The following AOAH variants were observed in gnomAD, a reference collection of about 807,000 sequenced individuals.
AOAH encodes acyloxyacyl hydrolase.
Under a neutral mutation model 92.2 loss-of-function variants are expected in AOAH, and 64 were observed. The observed-to-expected ratio is 0.69, with a 90% CI of 0.57 to 0.86. AOAH has a LOEUF of 0.86. AOAH is among the 40% of genes least tolerant of loss of function. The pLI is 0.00. For synonymous variants in AOAH, 263 were observed against 254.5 expected, an observed-to-expected ratio of 1.03 and a Z score of -0.32; for missense variants, 656 against 694.6, an observed-to-expected ratio of 0.94 and a Z score of 0.62.
intron 4 of AOAH, among the ~76,000 whole-genome samples, chr7:36,639,668 T>C (rs568168890): frequency 3.9e-5 from 6 of 152,312 alleles, no homozygotes; most frequent in African/African-American, 1.2e-4. Flanking sequence ...GAATACCAAT[T>C]CAGTAATAAA....
At chr7:36,625,201 G>C (rs549237326) in intron 6 of AOAH, among the ~76,000 whole-genome samples, 1 of 152,314 alleles carries the variant, frequency 6.6e-6, no homozygotes, top group African/African-American at 2.4e-5. Context: ...GGACAAGGCA[G>C]CAGGCTCCCT....
chr7:36,706,215 T>A (rs895246865), intron 1 of AOAH, among the ~76,000 whole-genome samples: 1 of 152,152 alleles, frequency 6.6e-6, no homozygotes, highest in South Asian at 2.1e-4. Context: ...ACTTCTTGAT[T>A]CATGAGCTAC....
chr7:36,722,889 G>A lies in AOAH; in HGVS notation c.127+1133C>T, dbSNP rs545626043. Among the ~76,000 whole-genome samples the A allele has an allele frequency of 1.8e-3, 229 of 126,024 alleles. 1 individual carries two copies. The highest frequency in any genetic ancestry group is 6.7e-3 in the African/African-American group (222 of 33,290). The allele number at this position is 126,024 out of a possible 152,430, so 82.7% of individuals were successfully genotyped here. ...GCAGAGGTTGCAGTGAGCTGAGACT[G>A]CACCATTGTACTCCAGCCCAGGTGA... On this transcript the variant is annotated intron_variant, in intron 1 of 20. Transcript: ENST00000617537.
chr7:36,531,639 C>T (rs371008488), intron 18 of AOAH, among the ~76,000 whole-genome samples: 35 of 152,270 alleles, frequency 2.3e-4, no homozygotes, highest in African/African-American at 6.5e-4. Flanking sequence ...TGAGCCACCG[C>T]GCCCAGCCTC....
chr7:36,695,671 T>A (rs1797666608), intron 1 of AOAH, among the ~76,000 whole-genome samples: 2 of 152,196 alleles, frequency 1.3e-5, no homozygotes, highest in African/African-American at 2.4e-5. Flanking sequence ...CCTTCCAAAT[T>A]GAAAATTATC....
chr7:36,654,144 CAG>C (rs1491199115), intron 4 of AOAH, among the ~76,000 whole-genome samples: 21,131 of 151,314 alleles, frequency 0.14, 2,003 homozygotes, highest in East Asian at 0.35. Flanking sequence ...CACACACACA[CAG>C]CAGCAGCAAT....
intron 2 of AOAH, among the ~76,000 whole-genome samples, chr7:36,685,395 G>A (rs1796937720): frequency 6.6e-6 from 1 of 152,182 alleles, no homozygotes; most frequent in Non-Finnish European, 1.5e-5. Flanking sequence ...GATGGAGCAT[G>A]TGGATGGGAC....
chr7:36,660,124 C>G (rs1017620949), intron 3 of AOAH, among the ~76,000 whole-genome samples: 5 of 152,188 alleles, frequency 3.3e-5, no homozygotes, highest in African/African-American at 1.2e-4. Context: ...CTACCCAACT[C>G]CTATAAAGCA....
At chr7:36,636,979 C>T (rs984424310) in intron 5 of AOAH, among the ~76,000 whole-genome samples, 5 of 152,168 alleles carry the variant, frequency 3.3e-5, no homozygotes, top group Admixed American at 1.3e-4. Context: ...CTTTGCCCTC[C>T]CATTGCCCAT....
At chr7:36,517,931 CCACACACACACACCCACACACACACACA>C (rs1349675151) in intron 20 of AOAH, among the ~76,000 whole-genome samples, 2 of 87,770 alleles carry the variant, frequency 2.3e-5, no homozygotes, top group Non-Finnish European at 4.9e-5. Context: ...ACACACACAC[CCACACACACACACCCACACACACACACA>C]CACACACACA....
At chr7:36,651,821 TAG>T (rs1384282916) in intron 4 of AOAH, among the ~76,000 whole-genome samples, 2 of 152,190 alleles carry the variant, frequency 1.3e-5, no homozygotes, top group Non-Finnish European at 2.9e-5. Context: ...ACCTATAAAA[TAG>T]AGTTTGACCT....
intron 1 of AOAH, among the ~76,000 whole-genome samples, chr7:36,694,540 T>C (rs185626403): frequency 1.3e-5 from 2 of 152,250 alleles, no homozygotes; most frequent in South Asian, 2.1e-4. Context: ...GAAAATATTG[T>C]CCTTTTCAAT....
chr7:36,548,208 T>G (rs888960219), intron 15 of AOAH, among the ~76,000 whole-genome samples: 1 of 152,168 alleles, frequency 6.6e-6, no homozygotes, highest in African/African-American at 2.4e-5. Flanking sequence ...TTTTTTGAGA[T>G]AGAGTCTTGC....
chr7:36,517,191 TTTCTTTCTTTCTTTC>T (rs1783790023), intron 20 of AOAH, among the ~76,000 whole-genome samples: 1 of 66,752 alleles, frequency 1.5e-5, no homozygotes, highest in African/African-American at 5.3e-5. Flanking sequence ...TCTTTCTTTC[TTTCTTTCTTTCTTTC>T]TTTCTTTCTC....
intron 16 of AOAH, among the ~76,000 whole-genome samples, chr7:36,534,870 CTGTGTGTCTGTGTCTCTGTGTGTCTTCG>C (rs1301444047): frequency 6.6e-6 from 1 of 151,756 alleles, no homozygotes; most frequent in Non-Finnish European, 1.5e-5. Context: ...TCATGTGTGT[CTGTGTGTCTGTGTCTCTGTGTGTCTTCG>C]TGTGTGTCTG....
chr7:36,551,786 C>T (rs918250431), intron 13 of AOAH, among the ~76,000 whole-genome samples: 16 of 152,142 alleles, frequency 1.1e-4, no homozygotes, highest in South Asian at 2.1e-4. Flanking sequence ...GTGTTTTGGA[C>T]GTATGGTATA....
intron 1 of AOAH, among the ~76,000 whole-genome samples, chr7:36,711,039 G>A (rs892289021): frequency 1.3e-5 from 2 of 152,130 alleles, no homozygotes; most frequent in African/African-American, 4.8e-5. Flanking sequence ...TCAAATCTGA[G>A]AGCCCCACAC....
intron 20 of AOAH, among the ~76,000 whole-genome samples, chr7:36,521,648 ATCC>A (rs900734997): frequency 1.3e-5 from 2 of 150,908 alleles, no homozygotes; most frequent in African/African-American, 4.9e-5. Context: ...CTTCCAAAAA[ATCC>A]TCGTCATTTT....
chr7:36,533,562 T>C (rs1174859692), intron 16 of AOAH, among the ~76,000 whole-genome samples: 1 of 152,150 alleles, frequency 6.6e-6, no homozygotes, highest in South Asian at 2.1e-4. Flanking sequence ...TTTAAATGAC[T>C]CCCAAATCCT....
Sources: allele counts gnomAD v4.1 joint callset (sites outside exome capture counted in the v4.1 genomes callset), GRCh38; gene constraint gnomAD v4.1.1; transcripts MANE v1.5; gene names NCBI Gene and HGNC (gene_info 2026-07-23, HGNC 2026-07-21).